Variants in RXFP1 observed in about 807,000 individuals in gnomAD.
The protein encoded by RXFP1 is relaxin family peptide receptor 1, also known as relaxin receptor 1.
In RXFP1, 73 loss-of-function variants were observed where a neutral mutation model predicts 89.8. That is an observed-to-expected ratio of 0.81 (90% CI 0.67 to 0.99). The LOEUF (loss-of-function observed/expected upper bound fraction) is 0.99, where lower values mean the gene tolerates loss of function less well. Ranked by LOEUF, RXFP1 falls within the 50% of genes least tolerant of loss-of-function variation. The pLI, the probability that RXFP1 is intolerant of heterozygous loss-of-function variation, is 0.00. For synonymous variants in RXFP1, 277 were observed against 305.5 expected, an observed-to-expected ratio of 0.91 and a Z score of 0.97; for missense variants, 793 against 895.5, an observed-to-expected ratio of 0.89 and a Z score of 1.46.
At chr4:158,626,121 TAG>T (rs1766695531) in intron 9 of RXFP1, among the ~76,000 whole-genome samples, 3 of 103,516 alleles carry the variant, frequency 2.9e-5, no homozygotes, top group East Asian at 2.4e-4. Context: ...TATAGATAGA[TAG>T]ATAGATAGAT....
At chr4:158,542,393 T>C (rs1747028344) in intron 1 of RXFP1, among the ~76,000 whole-genome samples, 1 of 152,012 alleles carries the variant, frequency 6.6e-6, no homozygotes, top group Admixed American at 6.6e-5. Context: ...TTCAGGTGTG[T>C]CTGATGCAAG....
chr4:158,559,389 A>T (rs189548770), intron 1 of RXFP1, among the ~76,000 whole-genome samples: 64 of 152,336 alleles, frequency 4.2e-4, no homozygotes, highest in African/African-American at 1.5e-3. Context: ...AACCATGTTT[A>T]ATACCATTAG....
intron 14 of RXFP1, among the ~76,000 whole-genome samples, chr4:158,640,363 T>C (rs1580280729): frequency 6.6e-6 from 1 of 152,154 alleles, no homozygotes; most frequent in South Asian, 2.1e-4. Context: ...GGCTCGGTAG[T>C]TTATAAGGAA....
At chr4:158,544,627 G>C (rs998460287) in intron 1 of RXFP1, among the ~76,000 whole-genome samples, 3 of 151,618 alleles carry the variant, frequency 2.0e-5, no homozygotes, top group Non-Finnish European at 2.9e-5. Flanking sequence ...TCCCTGGAGT[G>C]TGATGTTCCC....
intron 1 of RXFP1, among the ~76,000 whole-genome samples, chr4:158,536,084 T>G (rs550931617): frequency 2.6e-5 from 4 of 152,254 alleles, no homozygotes; most frequent in African/African-American, 9.6e-5. Context: ...ATCTGTACTC[T>G]TTAATCAATC....
At chr4:158,631,296 C>G (rs1767978652) in intron 11 of RXFP1, among the ~76,000 whole-genome samples, 2 of 152,174 alleles carry the variant, frequency 1.3e-5, no homozygotes, top group African/African-American at 4.8e-5. Flanking sequence ...ACTTGGCTTC[C>G]TATACAAGGA....
Position 158,647,029 on chromosome 4 carries a change from A to C in RXFP1, c.1584A>C (p.Thr528=). Residue 528 remains threonine (T), a synonymous_variant, in exon 16 of 18, where the codon ACA becomes ACC. Transcript: ENST00000307765. ...FRCVRPGKCR[T]ITVLILIWIT... ...GTGTGAGACCTGGAAAATGCAGAAC[A>C]ATTACAGTTCTGATTCTCATTTGGA... is the stretch of plus-strand genomic sequence containing the variant. 6 of 1,614,150 alleles carry C rather than the reference A, an allele frequency of 3.7e-6. No homozygotes were observed. The highest frequency in any genetic ancestry group is 5.1e-6 in the Non-Finnish European group (6 of 1,179,990).
chr4:158,603,944 A>G (rs888511171), intron 4 of RXFP1, among the ~76,000 whole-genome samples: 3 of 149,146 alleles, frequency 2.0e-5, no homozygotes, highest in African/African-American at 4.9e-5. Context: ...TATACTATAT[A>G]TGTTCTTGTG....
intron 3 of RXFP1, among the ~76,000 whole-genome samples, chr4:158,598,829 A>C (rs1055615045): frequency 8.5e-5 from 13 of 152,164 alleles, no homozygotes; most frequent in African/African-American, 2.9e-4. Flanking sequence ...GATTTTAAAA[A>C]AAAAACTATA....
intron 8 of RXFP1, among the ~76,000 whole-genome samples, chr4:158,615,536 CA>C (rs879387842): frequency 2.2e-3 from 295 of 131,756 alleles, no homozygotes; most frequent in Middle Eastern, 4.1e-3. Flanking sequence ...AACTTTGTCT[CA>C]AAAAAAAAAA....
chr4:158,593,546 AC>A (rs1759949245), intron 3 of RXFP1, 47 bp downstream of exon 3: 1 of 1,005,758 alleles, frequency 9.9e-7, no homozygotes, highest in African/African-American at 1.6e-5. Context: ...TTCATAAGAC[AC>A]CATTTTTAAA....
chr4:158,632,772 A>AT (rs1455355989), intron 11 of RXFP1, among the ~76,000 whole-genome samples: 1 of 152,226 alleles, frequency 6.6e-6, no homozygotes, highest in Non-Finnish European at 1.5e-5. Context: ...CGGAAGAAAA[A>AT]AATTAAGATC....
intron 1 of RXFP1, among the ~76,000 whole-genome samples, chr4:158,560,841 C>G (rs982636287): frequency 2.0e-5 from 3 of 152,222 alleles, no homozygotes; most frequent in Non-Finnish European, 4.4e-5. Context: ...CTGCCCACGT[C>G]TCACTGGTCG....
At chr4:158,606,973 A>C in intron 5 of RXFP1, 1 of 1,045,662 alleles carries the variant, frequency 9.6e-7, no homozygotes, top group Non-Finnish European at 1.4e-6. Context: ...TTTATAATTT[A>C]ACTGAATGTT....
In RXFP1 at chr4:158,650,432, AAT is replaced by A. The variant is rs149845150; in HGVS notation, c.1976-1307_1976-1306del. 1.0e-3 allele frequency among the ~76,000 whole-genome samples: 149 copies of A among 145,426 alleles called. 2 individuals carry two copies. The highest frequency in any genetic ancestry group is 9.6e-3 in the East Asian group (49 of 5,090). On this transcript the variant is annotated intron_variant, in intron 17 of 17. Transcript: ENST00000307765. ...GCATATATCCTGTTAAATATATATA[AAT>A]ATATATATATATATATAATGCAGTT...
At chr4:158,543,095 C>T (rs1396790956) in intron 1 of RXFP1, among the ~76,000 whole-genome samples, 1 of 152,118 alleles carries the variant, frequency 6.6e-6, no homozygotes, top group African/African-American at 2.4e-5. Flanking sequence ...TGAACATGTA[C>T]CCCTGAACCT....
chr4:158,639,319 A>G lies in RXFP1; in HGVS notation c.1103A>G (p.Asn368Ser), dbSNP rs746059102. The change falls in exon 14 of 18, where the codon AAT becomes AGT. Residue 368 changes from asparagine to serine, a missense_variant. Transcript: ENST00000307765. ...IQQRMFRPLM[N>S]LSHIYFKKFQ... Reference sequence around the variant, plus strand: ...CAAAGGATGTTTAGACCTCTTATGAATCTCTCTCACATGTAAGTAGATATT... The same window carrying G: ...CAAAGGATGTTTAGACCTCTTATGAGTCTCTCTCACATGTAAGTAGATATT... 2 of 1,530,056 alleles carry G rather than the reference A, an allele frequency of 1.3e-6. No homozygotes were observed. The highest frequency in any genetic ancestry group is 1.1e-5 in the South Asian group (1 of 89,272). 94.8% of individuals were successfully genotyped at this position (1,530,056 alleles called of 1,614,324 possible).
chr4:158,552,881 A>G (rs1271439064), intron 1 of RXFP1, among the ~76,000 whole-genome samples: 1 of 152,220 alleles, frequency 6.6e-6, no homozygotes, highest in Non-Finnish European at 1.5e-5. Context: ...AAGTAAAGCT[A>G]AACACAAAAA....
At chr4:158,605,188 C>T in intron 5 of RXFP1, 49 bp downstream of exon 5, 3 of 1,190,340 alleles carry the variant, frequency 2.5e-6, no homozygotes, top group African/African-American at 1.5e-5. Context: ...GCATTTTTGG[C>T]CATGTCTTTT....
Sources: gnomAD v4.1 joint callset for allele counts (sites outside exome capture counted in the v4.1 genomes callset) on GRCh38, gnomAD v4.1.1 for gene constraint, MANE v1.5 for transcripts, NCBI Gene and HGNC (gene_info 2026-07-23, HGNC 2026-07-21) for gene names.